Variants in SLC25A24 observed in about 807,000 individuals in gnomAD.
SLC25A24 encodes solute carrier family 25 member 24, also known as mitochondrial adenyl nucleotide antiporter SLC25A24.
SLC25A24 carries 49 observed loss-of-function variants against 60.7 expected under a neutral mutation model. That is an observed-to-expected ratio of 0.81 (90% CI 0.64 to 1.02). SLC25A24 has a LOEUF of 1.02. Among genes scored for constraint, SLC25A24 ranks in the 50% least tolerant of loss-of-function variants. The pLI, the probability that SLC25A24 is intolerant of heterozygous loss-of-function variation, is 0.00. For synonymous variants in SLC25A24, 202 were observed against 200.6 expected (o/e 1.01, Z -0.06); for missense variants, 564 against 586.3 (o/e 0.96, Z 0.39).
At chr1:108,153,198 A>G (rs1400671077) in intron 6 of SLC25A24, among the ~76,000 whole-genome samples, 1 of 152,218 alleles carries the variant, frequency 6.6e-6, no homozygotes, top group East Asian at 1.9e-4. Flanking sequence ...TCAATGATAC[A>G]ATGACACTAC....
chr1:108,189,115 C>T (rs1053145874), intron 1 of SLC25A24, among the ~76,000 whole-genome samples: 7 of 152,172 alleles, frequency 4.6e-5, no homozygotes, highest in Non-Finnish European at 1.0e-4. Flanking sequence ...ACAGTTTTCA[C>T]TAACATTTTG....
chr1:108,160,191 C>G (rs1038831804), intron 4 of SLC25A24, among the ~76,000 whole-genome samples: 17 of 152,174 alleles, frequency 1.1e-4, no homozygotes, highest in African/African-American at 4.1e-4. Flanking sequence ...GGTCTCCTCA[C>G]TTCTCAGACG....
rs1438194278 is a variant in SLC25A24 at position 108,200,274 on chromosome 1, G to A, written c.-136C>T. 1.3e-6 allele frequency: 1 copy of A among 799,738 alleles called. No homozygotes were observed. The highest frequency in any genetic ancestry group is 1.7e-6 in the Non-Finnish European group (1 of 586,690). The allele number at this position is 799,738 out of a possible 1,614,324, so 49.5% of individuals were successfully genotyped here. A position where few individuals can be genotyped will look rare whatever the true frequency, so the allele number is the denominator to read the frequency against. ...GCGTTTGGGGCGCCGTCGGGGTTGC[G>A]GCTGCGGCGCGCAGGGCGCAGGGCG... On this transcript the variant is annotated 5_prime_UTR_variant, in exon 1 of 10. Transcript: ENST00000565488.
intron 1 of SLC25A24, among the ~76,000 whole-genome samples, chr1:108,188,888 T>C (rs553681177): frequency 5.3e-5 from 8 of 152,332 alleles, no homozygotes; most frequent in Admixed American, 5.2e-4. Context: ...GGGGAGTTAG[T>C]ATAAAATATG....
chr1:108,139,355 G>C (rs745500136), intron 8 of SLC25A24, 147 bp from the exon 9 acceptor site: 10 of 813,454 alleles, frequency 1.2e-5, no homozygotes, highest in Admixed American at 3.2e-5. Context: ...TGCAGGAGGC[G>C]GTGACTCTGT....
At chr1:108,164,752 G>T (rs1294818700) in intron 3 of SLC25A24, among the ~76,000 whole-genome samples, 1 of 120,328 alleles carries the variant, frequency 8.3e-6, no homozygotes, top group African/African-American at 3.5e-5. Context: ...CCAGCTCCTG[G>T]ATTCATTAAT....
At chr1:108,191,961 C>T (rs763082065) in intron 1 of SLC25A24, among the ~76,000 whole-genome samples, 1 of 138,830 alleles carries the variant, frequency 7.2e-6, no homozygotes, top group African/African-American at 2.5e-5. Context: ...AGCCTAAGCT[C>T]GGTACTGATA....
chr1:108,167,994 T>G (rs1371406320), intron 3 of SLC25A24, among the ~76,000 whole-genome samples: 1 of 152,204 alleles, frequency 6.6e-6, no homozygotes, highest in Non-Finnish European at 1.5e-5. Flanking sequence ...ATTCCCTTCC[T>G]TGGGCCACCT....
intron 3 of SLC25A24, among the ~76,000 whole-genome samples, chr1:108,177,337 A>G (rs1196355353): frequency 6.6e-6 from 1 of 152,184 alleles, no homozygotes; most frequent in Non-Finnish European, 1.5e-5. Context: ...AGACAGCAAG[A>G]GAGGAAGAAA....
chr1:108,172,357 T>TAATTTATA (rs1647493231), intron 3 of SLC25A24, among the ~76,000 whole-genome samples: 1 of 152,166 alleles, frequency 6.6e-6, no homozygotes, highest in Non-Finnish European at 1.5e-5. Context: ...TGAGACTCGG[T>TAATTTATA]AATTTATAAA....
At chr1:108,160,898 C>G (rs1026940792) in intron 4 of SLC25A24, among the ~76,000 whole-genome samples, 2 of 152,040 alleles carry the variant, frequency 1.3e-5, no homozygotes, top group African/African-American at 4.8e-5. Context: ...GAGATGGCAG[C>G]AGTACAGTCC....
At chr1:108,199,662 A>G in intron 1 of SLC25A24, 1 of 517,138 alleles carries the variant, frequency 1.9e-6, no homozygotes, top group South Asian at 3.2e-5. Flanking sequence ...CCTGGGATGG[A>G]TTCAGGACAA....
intron 7 of SLC25A24, among the ~76,000 whole-genome samples, chr1:108,146,501 A>C (rs1247218878): frequency 6.6e-6 from 1 of 152,202 alleles, no homozygotes; most frequent in Admixed American, 6.5e-5. Context: ...GCCGGTTTTC[A>C]AAGGGAATGC....
At chr1:108,141,584 A>G (rs1458980324) in intron 8 of SLC25A24, among the ~76,000 whole-genome samples, 1 of 152,242 alleles carries the variant, frequency 6.6e-6, no homozygotes, top group Non-Finnish European at 1.5e-5. Flanking sequence ...CTGCAGCACT[A>G]TTCACAATAG....
At chr1:108,161,148 T>G in intron 4 of SLC25A24, 34 bp downstream of exon 4, 2 of 1,185,354 alleles carry the variant, frequency 1.7e-6, no homozygotes, top group Non-Finnish European at 2.5e-6. Flanking sequence ...GGTTTATAGC[T>G]CCAAATAAGT....
intron 6 of SLC25A24, among the ~76,000 whole-genome samples, chr1:108,151,788 A>G (rs1185768902): frequency 6.6e-6 from 1 of 152,198 alleles, no homozygotes; most frequent in Non-Finnish European, 1.5e-5. Context: ...TGTCCCACAC[A>G]TCTCAAACTC....
At chr1:108,170,501 G>A (rs1388877241) in intron 3 of SLC25A24, among the ~76,000 whole-genome samples, 1 of 151,970 alleles carries the variant, frequency 6.6e-6, no homozygotes, top group Non-Finnish European at 1.5e-5. Flanking sequence ...AGAAGTTTTT[G>A]TCTTCACTAA....
chr1:108,164,232 A>G (rs1051903236), intron 3 of SLC25A24, among the ~76,000 whole-genome samples: 2 of 152,038 alleles, frequency 1.3e-5, no homozygotes, highest in Non-Finnish European at 2.9e-5. Context: ...ATGTTCATCA[A>G]GGATATTGGT....
At chr1:108,180,014 A>G (rs1478895625) in intron 3 of SLC25A24, among the ~76,000 whole-genome samples, 1 of 152,162 alleles carries the variant, frequency 6.6e-6, no homozygotes, top group East Asian at 1.9e-4. Context: ...AAATGTTTTA[A>G]GTCACTGAAT....
Sources: gnomAD v4.1 joint callset for allele counts (sites outside exome capture counted in the v4.1 genomes callset) on GRCh38, gnomAD v4.1.1 for gene constraint, MANE v1.5 for transcripts, NCBI Gene and HGNC (gene_info 2026-07-23, HGNC 2026-07-21) for gene names.